Variants in TRIO observed in about 807,000 individuals in gnomAD.
The protein encoded by TRIO is trio Rho guanine nucleotide exchange factor.
A neutral mutation model predicts 351.9 loss-of-function variants in TRIO; 58 were observed. The ratio of observed to expected loss-of-function variants is 0.16; its 90% CI spans 0.13 to 0.21. The LOEUF (loss-of-function observed/expected upper bound fraction) is 0.21. Ranked by LOEUF, TRIO falls within the 10% of genes least tolerant of loss-of-function variation. The pLI, the probability that TRIO is intolerant of heterozygous loss-of-function variation, is 1.00. For synonymous variants in TRIO, 1,758 were observed against 1,595.7 expected (o/e 1.10, Z -2.42); for missense variants, 3,201 against 4,027.8 (o/e 0.79, Z 5.56).
chr5:14,358,876 C>T (rs868678348), intron 12 of TRIO, among the ~76,000 whole-genome samples: 4 of 152,322 alleles, frequency 2.6e-5, no homozygotes, highest in Middle Eastern at 3.4e-3. Context: ...TAACCCCCTA[C>T]TGTATCACTC....
At chr5:14,418,925 A>G (rs1257592441) in intron 33 of TRIO, 1 of 152,340 alleles carries the variant, frequency 6.6e-6, no homozygotes, top group Non-Finnish European at 1.5e-5. Flanking sequence ...TGAAGCAGAC[A>G]GTCATGAGAA....
At position 14,494,537 on chromosome 5, in the gene TRIO, G is replaced by A. The variant is rs578063792; in HGVS notation, c.7880+1723G>A. On this transcript the variant is annotated intron_variant, in intron 49 of 56. Coordinates refer to ENST00000344204, the MANE Select transcript of TRIO (RefSeq NM_007118.4). ...GGAGATTCGTGTTGTTTTCTTGCCT[G>A]CTAAGACAATATCCATGCTACAGCC... 4.6e-5 allele frequency among the ~76,000 whole-genome samples: 7 copies of A among 152,354 alleles called. No homozygotes were observed. The South Asian group carries it at 8.3e-4, about 18-fold the overall frequency.
intron 26 of TRIO, chr5:14,390,505 G>C: frequency 1.7e-6 from 1 of 595,700 alleles, no homozygotes. Flanking sequence ...GTGATGGTTT[G>C]AAATAGAATA....
chr5:14,254,115 A>C (rs1355410166), intron 1 of TRIO, among the ~76,000 whole-genome samples: 2 of 152,200 alleles, frequency 1.3e-5, no homozygotes, highest in Admixed American at 1.3e-4. Flanking sequence ...TTAGGTGGAC[A>C]GAATAGTAAA....
intron 9 of TRIO, among the ~76,000 whole-genome samples, chr5:14,322,201 G>A (rs1419741711): frequency 6.6e-6 from 1 of 152,100 alleles, no homozygotes; most frequent in Non-Finnish European, 1.5e-5. Flanking sequence ...AGTAGTTGAA[G>A]GAATTTAAGG....
At position 14,459,452 on chromosome 5, in the gene TRIO, C is replaced by A. The variant is rs560406114; in HGVS notation, c.5204-1567C>A. Among the ~76,000 whole-genome samples, 5 of 152,338 alleles carry A rather than the reference C, an allele frequency of 3.3e-5. No homozygotes were observed. In the South Asian group the frequency reaches 6.2e-4, roughly 19 times the overall value. ...TCATTCCATGCCACCGTGGTGGAGC[C>A]CCTGAGCCAAGAGCTCAGGAAGGGG... On this transcript the variant is annotated intron_variant, in intron 34 of 56. Coordinates refer to ENST00000344204, the MANE Select transcript of TRIO (RefSeq NM_007118.4).
intron 31 of TRIO, among the ~76,000 whole-genome samples, chr5:14,404,075 G>A (rs1460158805): frequency 2.8e-5 from 4 of 145,144 alleles, no homozygotes; most frequent in African/African-American, 1.1e-4. Context: ...GCTTGTGAGG[G>A]TGCAGGTTGT....
In TRIO at chr5:14,461,016, C is replaced by T. The variant is rs766080758; in HGVS notation, c.5204-3C>T. ...TGATACTCCCTCTCTTTCTCCCTGGCAGACTCGCTCTCCGTCTCCAGCAAT... is the reference window on the plus strand; with the variant it reads ...TGATACTCCCTCTCTTTCTCCCTGGTAGACTCGCTCTCCGTCTCCAGCAAT... On this transcript the variant is annotated splice_polypyrimidine_tract_variant and splice_region_variant and intron_variant, in intron 34 of 56. Transcript: ENST00000344204. 1 of 1,559,360 alleles carries T rather than the reference C, an allele frequency of 6.4e-7. No individual in the cohort carries two copies. The highest frequency in any genetic ancestry group is 2.4e-5 in the East Asian group (1 of 42,494).
intron 34 of TRIO, among the ~76,000 whole-genome samples, chr5:14,460,641 GA>G (rs1294860721): frequency 6.6e-6 from 1 of 152,178 alleles, no homozygotes; most frequent in Non-Finnish European, 1.5e-5. Flanking sequence ...TTTTTGTCAA[GA>G]AAATGGGTGA....
At chr5:14,302,191 T>A (rs1216167414) in intron 7 of TRIO, among the ~76,000 whole-genome samples, 1 of 152,242 alleles carries the variant, frequency 6.6e-6, no homozygotes, top group South Asian at 2.1e-4. Flanking sequence ...GATTTTGATA[T>A]AGTGATATGT....
At chr5:14,484,644 A>G (rs1755780685) in intron 46 of TRIO, among the ~76,000 whole-genome samples, 1 of 152,094 alleles carries the variant, frequency 6.6e-6, no homozygotes, top group Non-Finnish European at 1.5e-5. Flanking sequence ...TCCATCTTTA[A>G]TTACCTAGCT....
intron 8 of TRIO, among the ~76,000 whole-genome samples, chr5:14,315,087 A>C (rs1468903698): frequency 6.6e-6 from 1 of 152,168 alleles, no homozygotes; most frequent in Non-Finnish European, 1.5e-5. Context: ...GATTAAAGGA[A>C]GCGATTAGGA....
At chr5:14,334,665 C>T (rs920944315) in intron 10 of TRIO, among the ~76,000 whole-genome samples, 3 of 152,210 alleles carry the variant, frequency 2.0e-5, no homozygotes, top group Non-Finnish European at 4.4e-5. Flanking sequence ...GCTTGCTACA[C>T]CGTTAGCTTC....
At chr5:14,396,441 A>ATT (rs1579529919) in intron 28 of TRIO, among the ~76,000 whole-genome samples, 1 of 57,692 alleles carries the variant, frequency 1.7e-5, no homozygotes, top group East Asian at 8.8e-4. Context: ...ATTTCTATTT[A>ATT]TCTTTTTTTT....
In TRIO at chr5:14,507,369, A is replaced by G. The variant is rs568264886; in HGVS notation, c.8751+109A>G. ...GCCAGGAGCCCCCAAGTGACTAGGG[A>G]CAAAAAGGGTGGGTGGGGCAGCGCA... is the stretch of plus-strand genomic sequence containing the variant. On this transcript the variant is annotated intron_variant, in intron 56 of 56. Coordinates refer to ENST00000344204, the MANE Select transcript of TRIO (RefSeq NM_007118.4). 247 of 1,496,932 alleles carry G rather than the reference A, an allele frequency of 1.7e-4. 2 individuals carry two copies. In the African/African-American group the frequency reaches 3.3e-3, roughly 20 times the overall value. 92.7% of individuals were successfully genotyped at this position (1,496,932 alleles called of 1,614,324 possible).
chr5:14,422,079 C>A (rs1019731520), intron 34 of TRIO, among the ~76,000 whole-genome samples: 1 of 152,196 alleles, frequency 6.6e-6, no homozygotes, highest in African/African-American at 2.4e-5. Context: ...TCCTTTTGAG[C>A]CTCTTTTCAG....
chr5:14,495,441 A>T (rs1328125129), intron 49 of TRIO, among the ~76,000 whole-genome samples: 1 of 152,156 alleles, frequency 6.6e-6, no homozygotes, highest in Non-Finnish European at 1.5e-5. Context: ...TACTCTGGGT[A>T]TAATGCTATC....
chr5:14,207,532 A>C (rs1791615618), intron 1 of TRIO, among the ~76,000 whole-genome samples: 1 of 146,558 alleles, frequency 6.8e-6, no homozygotes, highest in Non-Finnish European at 1.5e-5. Flanking sequence ...CTACACACAC[A>C]CACACACACA....
chr5:14,269,388 C>T lies in TRIO; in HGVS notation c.158-1437C>T, dbSNP rs554735525. ...CCTCCCGAAGATGTTGATTTTGTTG[C>T]TGCTTGTTTGCCTGCTTTAGCAGGC... On this transcript the variant is annotated intron_variant, in intron 1 of 56. Transcript: ENST00000344204. Among the ~76,000 whole-genome samples, 3 of 152,328 alleles carry T rather than the reference C, an allele frequency of 2.0e-5. No homozygotes were observed. The East Asian group carries it at 5.8e-4, about 29-fold the overall frequency.
Sources: gnomAD v4.1 joint callset for allele counts (sites outside exome capture counted in the v4.1 genomes callset) on GRCh38, gnomAD v4.1.1 for gene constraint, MANE v1.5 for transcripts, NCBI Gene and HGNC (gene_info 2026-07-23, HGNC 2026-07-21) for gene names.